DLGAP2: variants seen among roughly 807,000 people sequenced by gnomAD.
DLGAP2 encodes disks large-associated protein 2.
In DLGAP2, 26 loss-of-function variants were observed where a neutral mutation model predicts 100.3. That is an observed-to-expected ratio of 0.26 (90% CI 0.19 to 0.36). DLGAP2 has a LOEUF of 0.36. Among genes scored for constraint, DLGAP2 ranks in the 10% least tolerant of loss-of-function variants. DLGAP2 has a pLI of 1.00. For missense variants in DLGAP2, 1,858 were observed against 1,453.2 expected (o/e 1.28, Z -4.53); for synonymous variants, 886 against 630.1 (o/e 1.41, Z -6.08).
chr8:1,486,190 G>A (rs543676369), intron 3 of DLGAP2, among the ~76,000 whole-genome samples: 3 of 152,278 alleles, frequency 2.0e-5, no homozygotes, highest in South Asian at 4.1e-4. Context: ...CTACAGATAA[G>A]GAAACCAAGG....
intron 4 of DLGAP2, among the ~76,000 whole-genome samples, chr8:1,517,037 G>A (rs887140487): frequency 5.9e-5 from 9 of 152,234 alleles, no homozygotes; most frequent in African/African-American, 1.4e-4. Flanking sequence ...TCTCACCTCC[G>A]CGGTCACCAG....
chr8:821,472 C>A (rs1288293621), intron 1 of DLGAP2, among the ~76,000 whole-genome samples: 1 of 152,156 alleles, frequency 6.6e-6, no homozygotes, highest in Non-Finnish European at 1.5e-5. Flanking sequence ...ATAATAATTT[C>A]ATGCATTAGT....
At chr8:823,646 G>C (rs1796630112) in intron 1 of DLGAP2, among the ~76,000 whole-genome samples, 1 of 152,098 alleles carries the variant, frequency 6.6e-6, no homozygotes, top group Non-Finnish European at 1.5e-5. Context: ...GGGATGTGTG[G>C]GTGTCAGGAT....
At chr8:843,919 T>A (rs1056127560) in intron 1 of DLGAP2, among the ~76,000 whole-genome samples, 3 of 152,262 alleles carry the variant, frequency 2.0e-5, no homozygotes, top group South Asian at 2.1e-4. Flanking sequence ...CTGGCTTGTT[T>A]TAGACACACT....
intron 3 of DLGAP2, among the ~76,000 whole-genome samples, chr8:1,426,711 C>A (rs1047423125): frequency 9.9e-5 from 15 of 152,178 alleles, no homozygotes; most frequent in African/African-American, 3.1e-4. Flanking sequence ...ACAATAGATT[C>A]TTCGTTAGTA....
intron 7 of DLGAP2, among the ~76,000 whole-genome samples, chr8:1,632,046 G>A (rs1797660093): frequency 6.6e-6 from 1 of 151,232 alleles, no homozygotes; most frequent in African/African-American, 2.4e-5. Context: ...GAAACAAGAA[G>A]AGAAATAATC....
At chr8:1,452,105 C>T (rs564338164) in intron 3 of DLGAP2, among the ~76,000 whole-genome samples, 34 of 152,406 alleles carry the variant, frequency 2.2e-4, no homozygotes, top group South Asian at 1.7e-3. Context: ...GTAGCGAACA[C>T]ATGCATGCCA....
intron 6 of DLGAP2, among the ~76,000 whole-genome samples, chr8:1,586,768 T>A (rs1321371607): frequency 6.6e-6 from 1 of 152,214 alleles, no homozygotes; most frequent in Non-Finnish European, 1.5e-5. Flanking sequence ...TGCCTCTATG[T>A]TTTTATTACT....
At chr8:1,618,035 A>G (rs1475738527) in intron 6 of DLGAP2, among the ~76,000 whole-genome samples, 3 of 152,234 alleles carry the variant, frequency 2.0e-5, no homozygotes, top group Non-Finnish European at 4.4e-5. Flanking sequence ...CCTCCGTAAG[A>G]TGAGATAAAA....
At chr8:769,797 C>A (rs900427121) in intron 1 of DLGAP2, among the ~76,000 whole-genome samples, 2 of 152,124 alleles carry the variant, frequency 1.3e-5, no homozygotes, top group African/African-American at 4.8e-5. Context: ...TCAATGGGAA[C>A]AGAAGCCACA....
In DLGAP2 at chr8:871,191, C is replaced by T. The variant is rs980696030; in HGVS notation, c.19-36721C>T. Among the ~76,000 whole-genome samples, 8 of 152,344 alleles carry T rather than the reference C, an allele frequency of 5.3e-5. No homozygotes were observed. The East Asian group carries it at 1.4e-3, about 26-fold the overall frequency. On this transcript the variant is annotated intron_variant, in intron 1 of 14. Coordinates refer to ENST00000637795, the MANE Select transcript of DLGAP2 (RefSeq NM_001346810.2). The stretch of plus-strand genomic sequence containing the variant: ...CCTGCCCAGCCTGCACCCCTTCCCA[C>T]AGAGAAGGCCGGTTGCAGGCCCGGT...
intron 6 of DLGAP2, among the ~76,000 whole-genome samples, chr8:1,568,853 T>A (rs1802533268): frequency 7.9e-6 from 1 of 126,006 alleles, no homozygotes; most frequent in Admixed American, 8.4e-5. Context: ...ATGGCCCCCA[T>A]GCCACTGTCC....
At chr8:1,428,274 T>A (rs1054559076) in intron 3 of DLGAP2, among the ~76,000 whole-genome samples, 1 of 152,106 alleles carries the variant, frequency 6.6e-6, no homozygotes, top group African/African-American at 2.4e-5. Flanking sequence ...CAATGAGCAA[T>A]TTTATGATGT....
At chr8:1,451,160 C>T (rs754433804) in intron 3 of DLGAP2, among the ~76,000 whole-genome samples, 6 of 152,108 alleles carry the variant, frequency 3.9e-5, no homozygotes, top group Non-Finnish European at 5.9e-5. Context: ...GCATGTTCCG[C>T]CGCTGCCAGT....
At chr8:1,337,419 G>A (rs1312613003) in intron 3 of DLGAP2, among the ~76,000 whole-genome samples, 1 of 89,166 alleles carries the variant, frequency 1.1e-5, no homozygotes, top group African/African-American at 3.1e-5. Flanking sequence ...TGATGGTGAG[G>A]ATGATGGTGA....
In DLGAP2 at chr8:1,701,826, T is replaced by A; in HGVS notation, c.*420T>A. 5.9e-6 allele frequency: 1 copy of A among 170,328 alleles called. No individual in the cohort carries two copies. The highest frequency in any genetic ancestry group is 1.2e-5 in the Non-Finnish European group (1 of 80,686). The allele number at this position is 170,328 out of a possible 1,614,324, so 10.6% of individuals were successfully genotyped here. A position where few individuals can be genotyped will look rare whatever the true frequency, so the allele number is the denominator to read the frequency against. On this transcript the variant is annotated 3_prime_UTR_variant, in exon 15 of 15. Coordinates refer to ENST00000637795, the MANE Select transcript of DLGAP2 (RefSeq NM_001346810.2). ...TAAACGGGTGCATCCCACCACTCCC[T>A]GGAGGCATTAGACACCCAAGTGGAA...
chr8:1,265,998 T>A (rs575346745), intron 3 of DLGAP2, among the ~76,000 whole-genome samples: 1 of 152,258 alleles, frequency 6.6e-6, no homozygotes, highest in Non-Finnish European at 1.5e-5. Context: ...TTATAATAGA[T>A]TCAAGATATG....
At chr8:1,222,874 G>A (rs893100867) in intron 2 of DLGAP2, among the ~76,000 whole-genome samples, 22 of 152,256 alleles carry the variant, frequency 1.4e-4, no homozygotes, top group East Asian at 1.4e-3. Flanking sequence ...AGATCAGACT[G>A]GCTGCATCCC....
intron 4 of DLGAP2, among the ~76,000 whole-genome samples, chr8:1,528,148 A>G (rs1419526451): frequency 6.6e-6 from 1 of 152,176 alleles, no homozygotes; most frequent in Non-Finnish European, 1.5e-5. Flanking sequence ...ACGCAGCGAT[A>G]CCTTTGAAAA....
Sources: gnomAD v4.1 joint callset for allele counts (sites outside exome capture counted in the v4.1 genomes callset) on GRCh38, gnomAD v4.1.1 for gene constraint, MANE v1.5 for transcripts, NCBI Gene and HGNC (gene_info 2026-07-23, HGNC 2026-07-21) for gene names.